The following SPA17 variants were observed in gnomAD, a reference collection of about 807,000 sequenced individuals.
SPA17 encodes sperm surface protein Sp17.
Under a neutral mutation model 13.8 loss-of-function variants are expected in SPA17, and 7 were observed. The ratio of observed to expected loss-of-function variants is 0.51; its 90% CI spans 0.29 to 0.95. SPA17 has a LOEUF of 0.95. SPA17 is among the 40% of genes least tolerant of loss of function. The pLI is 0.08. For missense variants in SPA17, 170 were observed against 179.3 expected, an observed-to-expected ratio of 0.95 and a Z score of 0.30; for synonymous variants, 61 against 59.0, an observed-to-expected ratio of 1.03 and a Z score of -0.16.
At chr11:124,692,496 T>C (rs1012596070) in intron 4 of SPA17, among the ~76,000 whole-genome samples, 3 of 151,764 alleles carry the variant, frequency 2.0e-5, no homozygotes. Context: ...AAGAGAATGG[T>C]GTGAACCCGG....
chr11:124,694,307 C>T lies in SPA17; in HGVS notation c.317C>T (p.Ser106Phe). The part of the protein sequence containing the change: ...EEETSVTILD[S>F]SEEDKEKEEV... The stretch of plus-strand genomic sequence containing the variant: ...CTTTTTCTCCTTTCGATGAAGGACT[C>T]TTCTGAGGAAGATAAGGAAAAAGAA... The change falls in exon 5 of 5, where the codon TCT becomes TTT. Residue 106 changes from serine (S) to phenylalanine (F), a missense_variant. Physicochemically the swap from Ser to Phe is radical, Grantham distance 155. Coordinates refer to ENST00000227135, the MANE Select transcript of SPA17 (RefSeq NM_017425.4). 1 of 1,613,244 alleles carries T rather than the reference C, an allele frequency of 6.2e-7. No individual in the cohort carries two copies. The highest frequency in any genetic ancestry group is 8.5e-7 in the Non-Finnish European group (1 of 1,179,826).
chr11:124,690,983 G>A (rs1943618849), intron 3 of SPA17, among the ~76,000 whole-genome samples: 1 of 152,138 alleles, frequency 6.6e-6, no homozygotes, highest in African/African-American at 2.4e-5. Context: ...GTTTATCGAA[G>A]TCAAAGGAAT....
intron 4 of SPA17, among the ~76,000 whole-genome samples, chr11:124,692,906 G>A (rs1382121533): frequency 1.3e-5 from 2 of 152,168 alleles, no homozygotes; most frequent in African/African-American, 2.4e-5. Flanking sequence ...AGCCAGAATG[G>A]ATATCCCCTC....
At chr11:124,689,186 A>C (rs528551015) in intron 3 of SPA17, among the ~76,000 whole-genome samples, 1 of 152,196 alleles carries the variant, frequency 6.6e-6, no homozygotes, top group Admixed American at 6.5e-5. Context: ...AGACTTAAAC[A>C]TAAGACCTAA....
intron 1 of SPA17, chr11:124,674,871 TC>T (rs1943439116): frequency 6.5e-6 from 1 of 153,128 alleles, no homozygotes; most frequent in African/African-American, 2.5e-5. Context: ...GAAGGTCTTC[TC>T]AGCAATTGAC....
chr11:124,685,184 A>G (rs1237775414), intron 3 of SPA17, among the ~76,000 whole-genome samples: 1 of 152,228 alleles, frequency 6.6e-6, no homozygotes, highest in East Asian at 1.9e-4. Context: ...CCTCAGCTAG[A>G]CCCAGGGCTC....
intron 2 of SPA17, among the ~76,000 whole-genome samples, chr11:124,680,525 C>A (rs183040831): frequency 1.5e-4 from 23 of 152,228 alleles, no homozygotes; most frequent in Non-Finnish European, 3.1e-4. Context: ...ATACAAAGAG[C>A]TGTGTGTGCC....
chr11:124,696,793 C>T lies in SPA17; in HGVS notation c.*2347C>T, dbSNP rs963500759. On this transcript the variant is annotated 3_prime_UTR_variant, in exon 5 of 5. Transcript: ENST00000227135. ...AATCTTCTTAATGATCACTCCCAGA[C>T]CTTTCTCTCCTCTGCCTGCGAACTT... 4 of 152,208 alleles carry T rather than the reference C, an allele frequency of 2.6e-5. No individual in the cohort carries two copies. Among genetic ancestry groups the T allele is most frequent in the African/African-American group, 7.2e-5 (3 of 41,438 alleles). The allele number at this position is 152,208 out of a possible 1,614,324, so 9.4% of individuals were successfully genotyped here.
At chr11:124,681,597 AT>A (rs1943531145) in intron 3 of SPA17, 138 bp downstream of exon 3, 3 of 312,550 alleles carry the variant, frequency 9.6e-6, no homozygotes, top group Admixed American at 5.2e-5. Flanking sequence ...TTAAATTAAA[AT>A]TTAATAAATC....
At chr11:124,686,468 C>T (rs1338507911) in intron 3 of SPA17, among the ~76,000 whole-genome samples, 1 of 152,182 alleles carries the variant, frequency 6.6e-6, no homozygotes, top group East Asian at 1.9e-4. Context: ...GAACATTCTA[C>T]CCAACAACTG....
chr11:124,682,275 T>C (rs1943536226), intron 3 of SPA17, among the ~76,000 whole-genome samples: 1 of 152,136 alleles, frequency 6.6e-6, no homozygotes, highest in Non-Finnish European at 1.5e-5. Flanking sequence ...ATCAGCATTA[T>C]TGGCATCAAC....
At chr11:124,677,423 G>A (rs963085324) in intron 2 of SPA17, among the ~76,000 whole-genome samples, 4 of 152,094 alleles carry the variant, frequency 2.6e-5, no homozygotes, top group African/African-American at 9.7e-5. Flanking sequence ...TGGACTTTTT[G>A]TTATTTTAAG....
chr11:124,680,686 T>A (rs1440118785), intron 2 of SPA17, among the ~76,000 whole-genome samples: 1 of 152,092 alleles, frequency 6.6e-6, no homozygotes, highest in Non-Finnish European at 1.5e-5. Context: ...TTTAAAAGAG[T>A]ATATATTGAG....
chr11:124,681,607 TC>T, intron 3 of SPA17, 148 bp downstream of exon 3: 1 of 285,712 alleles, frequency 3.5e-6, no homozygotes, highest in Non-Finnish European at 6.3e-6. Context: ...ATTTAATAAA[TC>T]TTATTTTATT....
chr11:124,686,052 G>C (rs1390871497), intron 3 of SPA17, among the ~76,000 whole-genome samples: 2 of 152,160 alleles, frequency 1.3e-5, no homozygotes, highest in Non-Finnish European at 2.9e-5. Context: ...TGAAATGTGA[G>C]AGCATGAGAT....
chr11:124,690,091 G>A (rs1235181353), intron 3 of SPA17, among the ~76,000 whole-genome samples: 1 of 152,200 alleles, frequency 6.6e-6, no homozygotes, highest in African/African-American at 2.4e-5. Context: ...TGACCATTCA[G>A]TCCAGCAATC....
chr11:124,688,325 T>C (rs1487381735), intron 3 of SPA17, among the ~76,000 whole-genome samples: 1 of 152,172 alleles, frequency 6.6e-6, no homozygotes, highest in Non-Finnish European at 1.5e-5. Flanking sequence ...CAATATAATC[T>C]TATGTCTAGA....
intron 3 of SPA17, among the ~76,000 whole-genome samples, chr11:124,687,854 C>A (rs923143477): frequency 6.6e-6 from 1 of 152,114 alleles, no homozygotes; most frequent in African/African-American, 2.4e-5. Flanking sequence ...AAGTTAAAAG[C>A]AATCCCCCAA....
intron 3 of SPA17, among the ~76,000 whole-genome samples, chr11:124,683,468 A>C (rs1000297954): frequency 6.6e-6 from 1 of 152,014 alleles, no homozygotes; most frequent in South Asian, 2.1e-4. Context: ...ACATATCAAT[A>C]ATAACTTTAA....
Sources: allele counts gnomAD v4.1 joint callset (sites outside exome capture counted in the v4.1 genomes callset), GRCh38; gene constraint gnomAD v4.1.1; transcripts MANE v1.5; gene names NCBI Gene and HGNC (gene_info 2026-07-23, HGNC 2026-07-21).